The following CSMD1 variants were observed in gnomAD, a reference collection of about 807,000 sequenced individuals.
The protein encoded by CSMD1 is CUB and Sushi multiple domains 1, also known as CUB and sushi domain-containing protein 1.
CSMD1 carries 213 observed loss-of-function variants against 417.5 expected under a neutral mutation model. That is an observed-to-expected ratio of 0.51 (90% CI 0.46 to 0.57). The LOEUF is 0.57. Among genes scored for constraint, CSMD1 ranks in the 20% least tolerant of loss-of-function variants. The probability of loss-of-function intolerance (pLI) is 0.00; values close to 1 mark genes in which losing one functional copy is unlikely to be tolerated. For missense variants in CSMD1, 6,923 were observed against 4,529.7 expected, an observed-to-expected ratio of 1.53 and a Z score of -15.17; for synonymous variants, 2,862 against 1,736.8, an observed-to-expected ratio of 1.65 and a Z score of -16.11.
At chr8:3,356,466 G>T (rs1364427172) in intron 21 of CSMD1, among the ~76,000 whole-genome samples, 1 of 152,174 alleles carries the variant, frequency 6.6e-6, no homozygotes, top group South Asian at 2.1e-4. Flanking sequence ...CACATGGTCA[G>T]GAGTCCGAGA....
At chr8:4,169,330 T>G (rs1189624568) in intron 3 of CSMD1, among the ~76,000 whole-genome samples, 1 of 152,202 alleles carries the variant, frequency 6.6e-6, no homozygotes, top group African/African-American at 2.4e-5. Flanking sequence ...CCCTCCCATG[T>G]GCCTTCTTCC....
intron 3 of CSMD1, among the ~76,000 whole-genome samples, chr8:4,312,398 C>CGTATATACCTGTATATATACGT (rs1381586432): frequency 1.9e-5 from 2 of 105,284 alleles, no homozygotes; most frequent in Admixed American, 8.4e-5. Context: ...TATATACATA[C>CGTATATACCTGTATATATACGT]ATATATATGC....
At chr8:3,334,501 A>G (rs1807116272) in intron 23 of CSMD1, among the ~76,000 whole-genome samples, 1 of 152,192 alleles carries the variant, frequency 6.6e-6, no homozygotes, top group African/African-American at 2.4e-5. Context: ...AGTATATTTA[A>G]TGTTGATGTC....
chr8:4,549,896 C>CAAAAAAAAAAAAAAAA (rs777040766), intron 2 of CSMD1, among the ~76,000 whole-genome samples: 2 of 88,650 alleles, frequency 2.3e-5, no homozygotes, highest in African/African-American at 9.2e-5. Flanking sequence ...GACTTTGTCT[C>CAAAAAAAAAAAAAAAA]AAAAAAAAAA....
chr8:4,466,064 T>A (rs796589227), intron 2 of CSMD1, among the ~76,000 whole-genome samples: 6 of 152,316 alleles, frequency 3.9e-5, no homozygotes, highest in African/African-American at 1.4e-4. Context: ...ATAACACAAG[T>A]CAAACAAGTT....
In CSMD1 at chr8:4,078,534, G is replaced by A. The variant is rs566243243; in HGVS notation, c.416-46435C>T. Among the ~76,000 whole-genome samples, 7 of 151,698 alleles carry A rather than the reference G, an allele frequency of 4.6e-5. No individual in the cohort carries two copies. In the East Asian group the frequency reaches 1.4e-3, roughly 30 times the overall value. Reference sequence around the variant, plus strand: ...CCACCTCGGCCTCCCAAAGTGCTGGGATTACAGGGGTGAGCCACTGCGCCC... The same window carrying A: ...CCACCTCGGCCTCCCAAAGTGCTGGAATTACAGGGGTGAGCCACTGCGCCC... On this transcript the variant is annotated intron_variant, in intron 3 of 69. Transcript: ENST00000635120.
chr8:3,844,598 G>C (rs986674488), intron 5 of CSMD1, among the ~76,000 whole-genome samples: 7 of 152,130 alleles, frequency 4.6e-5, no homozygotes, highest in Admixed American at 3.3e-4. Context: ...ATTTGAAAAG[G>C]CAAGGGGGTG....
intron 49 of CSMD1, among the ~76,000 whole-genome samples, chr8:3,084,797 C>T (rs1241250049): frequency 2.6e-5 from 4 of 151,876 alleles, no homozygotes; most frequent in Non-Finnish European, 4.4e-5. Context: ...CATTTTTACT[C>T]TTCATTTTAA....
At chr8:3,293,156 C>T (rs746636437) in intron 25 of CSMD1, among the ~76,000 whole-genome samples, 4 of 152,136 alleles carry the variant, frequency 2.6e-5, no homozygotes, top group South Asian at 4.1e-4. Flanking sequence ...ATATTGCCCC[C>T]ACTCTCTTCT....
At chr8:3,340,892 C>G (rs1038493783) in intron 23 of CSMD1, among the ~76,000 whole-genome samples, 1 of 152,108 alleles carries the variant, frequency 6.6e-6, no homozygotes, top group African/African-American at 2.4e-5. Context: ...ACAGGGAGAA[C>G]AAGAAAATTA....
intron 48 of CSMD1, among the ~76,000 whole-genome samples, chr8:3,089,831 T>C (rs778327613): frequency 5.3e-5 from 8 of 152,212 alleles, no homozygotes; most frequent in Non-Finnish European, 1.2e-4. Context: ...GAGGCTCTCC[T>C]TGTGGTATGA....
At chr8:3,751,289 A>G (rs1345101161) in intron 6 of CSMD1, among the ~76,000 whole-genome samples, 1 of 138,832 alleles carries the variant, frequency 7.2e-6, no homozygotes, top group Non-Finnish European at 1.6e-5. Flanking sequence ...CTCCTTATAT[A>G]TACAATTGAA....
Position 3,514,669 on chromosome 8 carries a change from T to A in CSMD1, c.1345-20943A>T, listed in dbSNP as rs150523677. On this transcript the variant is annotated intron_variant, in intron 10 of 69. Coordinates refer to ENST00000635120, the MANE Select transcript of CSMD1 (RefSeq NM_033225.6). ...CCCAGGCTACATTTCAAATTTTTTT[T>A]ATCATATTTGTAGGTATCTTTTGTT... Among the ~76,000 whole-genome samples the A allele has an allele frequency of 7.9e-3, 1,211 of 152,332 alleles. 21 individuals are homozygous for A. Among genetic ancestry groups the A allele is most frequent in the African/African-American group, 0.026 (1,101 of 41,580 alleles).
chr8:3,732,182 G>A (rs955454257), intron 6 of CSMD1, among the ~76,000 whole-genome samples: 1 of 152,176 alleles, frequency 6.6e-6, no homozygotes, highest in African/African-American at 2.4e-5. Flanking sequence ...TGGTTGCCTT[G>A]GGAACAGAGT....
intron 1 of CSMD1, among the ~76,000 whole-genome samples, chr8:4,672,233 T>C (rs1018979775): frequency 6.6e-6 from 1 of 152,172 alleles, no homozygotes; most frequent in African/African-American, 2.4e-5. Flanking sequence ...AGGTTATATG[T>C]GCACAGGTCA....
chr8:3,177,237 G>A (rs539806208), intron 37 of CSMD1, among the ~76,000 whole-genome samples: 1 of 152,316 alleles, frequency 6.6e-6, no homozygotes, highest in Non-Finnish European at 1.5e-5. Flanking sequence ...GACTCTGGAT[G>A]CAGACGCATG....
chr8:3,317,649 T>A (rs567665750), intron 23 of CSMD1, among the ~76,000 whole-genome samples: 2 of 152,338 alleles, frequency 1.3e-5, no homozygotes, highest in African/African-American at 2.4e-5. Context: ...TTTTGTCAGG[T>A]AGAACCAGCC....
At position 3,170,332 on chromosome 8, in the gene CSMD1, C is replaced by T. The variant is rs1045242203; in HGVS notation, c.5726-8055G>A. On this transcript the variant is annotated intron_variant, in intron 37 of 69. Coordinates refer to ENST00000635120, the MANE Select transcript of CSMD1 (RefSeq NM_033225.6). ...ACACCATTCTCCCGCCTCAGCCTCC[C>T]GAGTAGCTGGGACTACAGGCGCCTA... Among the ~76,000 whole-genome samples, 34 of 152,264 alleles carry T rather than the reference C, an allele frequency of 2.2e-4. 1 individual carries two copies. Among genetic ancestry groups the T allele is most frequent in the East Asian group, 1.2e-3 (6 of 5,160 alleles).
At chr8:3,467,200 C>T (rs1816835324) in intron 12 of CSMD1, among the ~76,000 whole-genome samples, 1 of 152,182 alleles carries the variant, frequency 6.6e-6, no homozygotes. Context: ...ACTTATGTCT[C>T]TTCATAGTCA....
Sources: gnomAD v4.1 joint callset for allele counts (sites outside exome capture counted in the v4.1 genomes callset) on GRCh38, gnomAD v4.1.1 for gene constraint, MANE v1.5 for transcripts, NCBI Gene and HGNC (gene_info 2026-07-23, HGNC 2026-07-21) for gene names.